The following EFCAB13 variants were observed in gnomAD, a reference collection of about 807,000 sequenced individuals.
The protein encoded by EFCAB13 is EF-hand calcium binding domain 13.
Under a neutral mutation model 110.2 loss-of-function variants are expected in EFCAB13, and 91 were observed. That is an observed-to-expected ratio of 0.83 (90% CI 0.70 to 0.98). The LOEUF (loss-of-function observed/expected upper bound fraction) is 0.98. EFCAB13 is among the 50% of genes least tolerant of loss of function. The pLI is 0.00. For synonymous variants in EFCAB13, 323 were observed against 369.9 expected (o/e 0.87, Z 1.45); for missense variants, 968 against 1,119.4 (o/e 0.86, Z 1.93).
At chr17:47,344,366 C>A in intron 7 of EFCAB13, 74 bp downstream of exon 7, 1 of 1,499,560 alleles carries the variant, frequency 6.7e-7, no homozygotes, top group South Asian at 1.2e-5. Context: ...AATCATTTAT[C>A]CCTTCCACAT....
intron 24 of EFCAB13, among the ~76,000 whole-genome samples, chr17:47,433,859 T>A (rs1342366248): frequency 6.6e-6 from 1 of 152,146 alleles, no homozygotes; most frequent in Non-Finnish European, 1.5e-5. Flanking sequence ...CATATTTCCT[T>A]TTCTCTTGGA....
intron 5 of EFCAB13, among the ~76,000 whole-genome samples, chr17:47,340,533 C>G (rs1231198989): frequency 3.9e-5 from 6 of 152,024 alleles, no homozygotes; most frequent in African/African-American, 1.4e-4. Context: ...AATATTCTAG[C>G]TAATGATTGA....
chr17:47,433,240 A>G lies in EFCAB13; in HGVS notation c.2638+3279A>G, dbSNP rs529994937. Among the ~76,000 whole-genome samples the G allele has an allele frequency of 2.6e-3, 397 of 152,216 alleles. 4 individuals carry two copies. Among genetic ancestry groups the G allele is most frequent in the African/African-American group, 9.3e-3 (388 of 41,548 alleles). On this transcript the variant is annotated intron_variant, in intron 24 of 24. Transcript: ENST00000331493. ...GGGGTTATGCGCTTTTGGGATGAAT[A>G]CCCCGAAGGTAAAGTGCCCTTTTTA...
At chr17:47,433,830 C>T (rs992466020) in intron 24 of EFCAB13, among the ~76,000 whole-genome samples, 1 of 152,064 alleles carries the variant, frequency 6.6e-6, no homozygotes, top group Admixed American at 6.5e-5. Context: ...CTAGTACTTT[C>T]TATTTCAGCC....
chr17:47,379,169 T>C lies in EFCAB13; in HGVS notation c.1511-13T>C, dbSNP rs2065632363. 1.2e-6 allele frequency: 2 copies of C among 1,610,356 alleles called. No individual in the cohort carries two copies. Among genetic ancestry groups the C allele is most frequent in the African/African-American group, 1.3e-5 (1 of 74,986 alleles). On this transcript the variant is annotated splice_polypyrimidine_tract_variant and intron_variant, in intron 13 of 24. Coordinates refer to ENST00000331493, the MANE Select transcript of EFCAB13 (RefSeq NM_152347.5). ...ACACCAGAATGTATAATCTAAACTC[T>C]TTTTAAAAACAGAGAATGGAATGGT...
At chr17:47,352,182 G>A (rs1319645495) in intron 9 of EFCAB13, among the ~76,000 whole-genome samples, 11 of 151,738 alleles carry the variant, frequency 7.2e-5, no homozygotes, top group African/African-American at 2.2e-4. Flanking sequence ...GATTACAGGC[G>A]CGAGCCACCA....
Position 47,377,792 on chromosome 17 carries a change from C to T in EFCAB13, c.1399C>T (p.Leu467Phe). The change falls in exon 13 of 25, where the codon CTT (leucine) becomes TTT (phenylalanine). Residue 467 changes from leucine to phenylalanine, a missense_variant. Leu to Phe is a conservative substitution (Grantham distance 22, BLOSUM62 0). Transcript: ENST00000331493. Reference sequence around the variant, plus strand: ...AAACTTCTGTGAAGCTATCAGTAAACTTCAAGAAAATTACATTGCAGCAGA... The same window carrying T: ...AAACTTCTGTGAAGCTATCAGTAAATTTCAAGAAAATTACATTGCAGCAGA... Reference protein sequence around the residue: ...LENFCEAISKLQENYIAAEEL... With the variant: ...LENFCEAISKFQENYIAAEEL... The T allele has an allele frequency of 6.3e-7, 1 of 1,587,324 alleles. No individual in the cohort carries two copies. The highest frequency in any genetic ancestry group is 1.2e-5 in the South Asian group (1 of 84,826).
intron 24 of EFCAB13, among the ~76,000 whole-genome samples, chr17:47,432,007 G>C (rs1444778520): frequency 6.6e-6 from 1 of 152,160 alleles, no homozygotes; most frequent in Non-Finnish European, 1.5e-5. Flanking sequence ...TGTAATCCCA[G>C]CACTTTGGAA....
intron 21 of EFCAB13, among the ~76,000 whole-genome samples, chr17:47,410,119 A>T (rs1055892217): frequency 1.7e-5 from 2 of 120,094 alleles, no homozygotes; most frequent in African/African-American, 2.9e-5. Context: ...TAATTTGTAT[A>T]AAAAAAAAAA....
At chr17:47,340,387 G>T (rs573096931) in intron 5 of EFCAB13, among the ~76,000 whole-genome samples, 1 of 152,146 alleles carries the variant, frequency 6.6e-6, no homozygotes, top group South Asian at 2.1e-4. Flanking sequence ...CAGTACTCAG[G>T]AGGCTGAGGT....
chr17:47,412,621 C>T, intron 21 of EFCAB13, 152 bp from the exon 22 acceptor site: 1 of 726,148 alleles, frequency 1.4e-6, no homozygotes, highest in South Asian at 2.7e-5. Flanking sequence ...GGGAAGTGGG[C>T]CATCAGTTAC....
At chr17:47,378,167 G>A (rs1433154904) in intron 13 of EFCAB13, among the ~76,000 whole-genome samples, 2 of 152,162 alleles carry the variant, frequency 1.3e-5, no homozygotes, top group African/African-American at 2.4e-5. Context: ...CCTATTAATA[G>A]TAGGGTAGTG....
intron 3 of EFCAB13, among the ~76,000 whole-genome samples, chr17:47,327,540 C>G (rs1007843528): frequency 2.0e-5 from 3 of 151,862 alleles, no homozygotes; most frequent in Non-Finnish European, 4.4e-5. Flanking sequence ...TCACTGCAAT[C>G]TCCGCCTCCC....
Position 47,361,389 on chromosome 17 carries a change from G to A in EFCAB13, c.673G>A (p.Ala225Thr). The A allele has an allele frequency of 1.2e-6, 2 of 1,612,888 alleles. No homozygotes were observed. The highest frequency in any genetic ancestry group is 1.7e-4 in the Middle Eastern group (1 of 6,058). ...KTVDIDAFQDALKIFCRIKGG... is the reference protein window; with the variant it reads ...KTVDIDAFQDTLKIFCRIKGG... ...TTTCTTTTTTGCAGCATTCCAGGAT[G>A]CCTTGAAGATTTTCTGTAGGATAAA... Residue 225 changes from alanine (A) to threonine (T), a missense_variant, in exon 10 of 25, where the codon GCC (alanine) becomes ACC (threonine). Coordinates refer to ENST00000331493, the MANE Select transcript of EFCAB13 (RefSeq NM_152347.5).
Position 47,412,927 on chromosome 17 carries a change from T to G in EFCAB13, c.2422+11T>G, listed in dbSNP as rs1271861831. Reference sequence around the variant, plus strand: ...GTTGTAACGTCAGTGGTGAGCATTTTTTTGGCCTGAGATTCTTTTCATTTT... The same window carrying G: ...GTTGTAACGTCAGTGGTGAGCATTTGTTTGGCCTGAGATTCTTTTCATTTT... On this transcript the variant is annotated intron_variant, in intron 22 of 24. Coordinates refer to ENST00000331493, the MANE Select transcript of EFCAB13 (RefSeq NM_152347.5). The G allele has an allele frequency of 6.2e-7, 1 of 1,600,176 alleles. No homozygotes were observed. The highest frequency in any genetic ancestry group is 8.5e-7 in the Non-Finnish European group (1 of 1,173,358).
At chr17:47,357,006 G>A (rs1347506836) in intron 9 of EFCAB13, among the ~76,000 whole-genome samples, 4 of 152,314 alleles carry the variant, frequency 2.6e-5, no homozygotes, top group Non-Finnish European at 2.9e-5. Context: ...AGGGAAGTGG[G>A]GGAAAGCCAG....
At chr17:47,380,527 A>T (rs2065641437) in intron 14 of EFCAB13, among the ~76,000 whole-genome samples, 1 of 152,146 alleles carries the variant, frequency 6.6e-6, no homozygotes, top group Admixed American at 6.5e-5. Context: ...TGTGAACAGC[A>T]CTGCAATAAA....
intron 14 of EFCAB13, among the ~76,000 whole-genome samples, chr17:47,379,855 G>A (rs1437544503): frequency 3.3e-5 from 5 of 152,056 alleles, no homozygotes; most frequent in African/African-American, 9.7e-5. Context: ...TGCTAAAAAC[G>A]AAAGATAAGC....
chr17:47,373,105 T>TTTCA (rs1250471615), intron 11 of EFCAB13, among the ~76,000 whole-genome samples: 2 of 152,162 alleles, frequency 1.3e-5, no homozygotes, highest in Non-Finnish European at 2.9e-5. Context: ...CCCCATTATT[T>TTTCA]TTCATTCTTT....
Sources: allele counts gnomAD v4.1 joint callset (sites outside exome capture counted in the v4.1 genomes callset), GRCh38; gene constraint gnomAD v4.1.1; transcripts MANE v1.5; gene names NCBI Gene and HGNC (gene_info 2026-07-23, HGNC 2026-07-21).